DAB1: variants seen among roughly 807,000 people sequenced by gnomAD.
The protein encoded by DAB1 is disabled homolog 1.
A neutral mutation model predicts 64.6 loss-of-function variants in DAB1; 15 were observed. The ratio of observed to expected loss-of-function variants is 0.23; its 90% CI spans 0.16 to 0.36. The LOEUF is 0.36. DAB1 is among the 10% of genes least tolerant of loss of function. The pLI is 1.00. For missense variants in DAB1, 596 were observed against 706.7 expected, an observed-to-expected ratio of 0.84 and a Z score of 1.78; for synonymous variants, 235 against 251.9, an observed-to-expected ratio of 0.93 and a Z score of 0.64.
intron 5 of DAB1, among the ~76,000 whole-genome samples, chr1:57,948,856 G>T (rs1221561713): frequency 6.6e-6 from 1 of 152,194 alleles, no homozygotes; most frequent in Non-Finnish European, 1.5e-5. Context: ...TCTTTGTTTA[G>T]ATCTTGAATC....
chr1:57,521,876 G>A (rs1644531281), intron 7 of DAB1, among the ~76,000 whole-genome samples: 1 of 152,162 alleles, frequency 6.6e-6, no homozygotes, highest in South Asian at 2.1e-4. Flanking sequence ...TTGGGTGGCT[G>A]AGGCGGGCGG....
chr1:57,036,526 C>T (rs974596925), intron 9 of DAB1, among the ~76,000 whole-genome samples: 2 of 152,192 alleles, frequency 1.3e-5, no homozygotes, highest in African/African-American at 4.8e-5. Flanking sequence ...TTCTTATAGA[C>T]AAAAACTGAT....
In DAB1 at chr1:57,381,502, T is replaced by TG. The variant is rs1681372271; in HGVS notation, c.-137+42427dup. 3.3e-5 allele frequency among the ~76,000 whole-genome samples: 5 copies of TG among 152,208 alleles called. No individual in the cohort carries two copies. The South Asian group carries it at 1.0e-3, about 31-fold the overall frequency. On this transcript the variant is annotated intron_variant, in intron 1 of 14. Coordinates refer to ENST00000371236, the MANE Select transcript of DAB1 (RefSeq NM_001365792.1). ...TACAGCCTGGTATCACAGAGTTGCATGCATTACTCATGCAGAATGCTTGCT... is the reference window on the plus strand; with the variant it reads ...TACAGCCTGGTATCACAGAGTTGCATGGCATTACTCATGCAGAATGCTTGCT...
chr1:57,252,603 T>C (rs935483201), intron 2 of DAB1, among the ~76,000 whole-genome samples: 3 of 152,220 alleles, frequency 2.0e-5, no homozygotes, highest in East Asian at 1.9e-4. Context: ...CTTGTTCTAG[T>C]TGGACAAACA....
chr1:57,688,492 T>C (rs1236012434), intron 6 of DAB1, among the ~76,000 whole-genome samples: 2 of 152,174 alleles, frequency 1.3e-5, no homozygotes, highest in Non-Finnish European at 2.9e-5. Context: ...TCAGCCACTG[T>C]GAAAAGCTGT....
intron 7 of DAB1, among the ~76,000 whole-genome samples, chr1:57,516,436 T>TA (rs1426232358): frequency 1.3e-5 from 2 of 152,216 alleles, no homozygotes; most frequent in Non-Finnish European, 2.9e-5. Flanking sequence ...TAGGAATGTG[T>TA]ATTTACACCC....
intron 4 of DAB1, among the ~76,000 whole-genome samples, chr1:58,318,362 A>G (rs937698506): frequency 1.3e-5 from 2 of 152,182 alleles, no homozygotes; most frequent in South Asian, 4.2e-4. Flanking sequence ...TCCAATGACT[A>G]TGATGAAGCC....
intron 6 of DAB1, among the ~76,000 whole-genome samples, chr1:57,820,468 C>T (rs757143073): frequency 4.6e-5 from 7 of 152,140 alleles, no homozygotes; most frequent in Non-Finnish European, 1.0e-4. Context: ...TTGAGAATTT[C>T]TTACTTTCTT....
chr1:58,196,317 G>T (rs1395914952), intron 4 of DAB1, among the ~76,000 whole-genome samples: 1 of 152,180 alleles, frequency 6.6e-6, no homozygotes, highest in Non-Finnish European at 1.5e-5. Context: ...AAACAGGCTG[G>T]AGAAGCAGGG....
chr1:57,739,474 C>CCCCTTCCCTCCCCTA, intron 6 of DAB1, among the ~76,000 whole-genome samples: 1 of 98,726 alleles, frequency 1.0e-5, no homozygotes. Context: ...CCCCTCCCCT[C>CCCCTTCCCTCCCCTA]CCCTCCCCTC....
chr1:57,151,448 A>C (rs1659658617), intron 2 of DAB1, among the ~76,000 whole-genome samples: 1 of 152,142 alleles, frequency 6.6e-6, no homozygotes. Context: ...TGTAATGAAG[A>C]ATCCCCTGTA....
intron 3 of DAB1, among the ~76,000 whole-genome samples, chr1:58,433,121 C>T (rs983163008): frequency 1.3e-5 from 2 of 152,218 alleles, no homozygotes; most frequent in African/African-American, 2.4e-5. Context: ...CCCCCTATTT[C>T]GTTCTCACCC....
intron 7 of DAB1, among the ~76,000 whole-genome samples, chr1:57,553,035 C>T (rs887050451): frequency 2.6e-5 from 4 of 151,948 alleles, no homozygotes; most frequent in African/African-American, 9.7e-5. Context: ...TACGTGGCTC[C>T]TGCTGCTGAT....
intron 1 of DAB1, among the ~76,000 whole-genome samples, chr1:58,537,408 T>C (rs1646534837): frequency 6.6e-6 from 1 of 152,150 alleles, no homozygotes; most frequent in South Asian, 2.1e-4. Context: ...TAAATAGTGC[T>C]CAGTAGCAGA....
chr1:56,995,226 G>A lies in DAB1; in HGVS notation c.*2918C>T, dbSNP rs1645574920. 1 of 152,196 alleles carries A rather than the reference G, an allele frequency of 6.6e-6. No homozygotes were observed. Among genetic ancestry groups the A allele is most frequent in the African/African-American group, 2.4e-5 (1 of 41,438 alleles). 9.4% of individuals were successfully genotyped at this position (152,196 alleles called of 1,614,324 possible). A position where few individuals can be genotyped will look rare whatever the true frequency, so the allele number is the denominator to read the frequency against. ...CAAAATTTAAAGTGACAAATTTAGT[G>A]CTAGTGGAGGATGAGGAATTAACAG... On this transcript the variant is annotated 3_prime_UTR_variant, in exon 15 of 15. Coordinates refer to ENST00000371236, the MANE Select transcript of DAB1 (RefSeq NM_001365792.1).
intron 4 of DAB1, among the ~76,000 whole-genome samples, chr1:58,208,354 T>C (rs1031330851): frequency 3.3e-5 from 5 of 152,108 alleles, no homozygotes; most frequent in Admixed American, 3.3e-4. Flanking sequence ...ATGGACAAGT[T>C]CTTTAGCGGA....
chr1:58,465,103 T>C (rs1230490636), intron 3 of DAB1, among the ~76,000 whole-genome samples: 3 of 152,224 alleles, frequency 2.0e-5, no homozygotes, highest in African/African-American at 7.2e-5. Context: ...ACCAATACAG[T>C]ATCTTTATCA....
chr1:57,048,186 T>G (rs1184275601), intron 9 of DAB1, among the ~76,000 whole-genome samples: 1 of 152,190 alleles, frequency 6.6e-6, no homozygotes, highest in Non-Finnish European at 1.5e-5. Flanking sequence ...GATAAAAATT[T>G]CAAGCCCAAA....
intron 4 of DAB1, chr1:58,150,721 G>C (rs1654877951): frequency 6.6e-6 from 1 of 151,704 alleles, no homozygotes; most frequent in Admixed American, 6.6e-5. Context: ...TAAGTTCTAG[G>C]GTACATGTGC....
Sources: allele counts gnomAD v4.1 joint callset (sites outside exome capture counted in the v4.1 genomes callset), GRCh38; gene constraint gnomAD v4.1.1; transcripts MANE v1.5; gene names NCBI Gene and HGNC (gene_info 2026-07-23, HGNC 2026-07-21).